Variants in TSNAXIP1 observed in about 807,000 individuals in gnomAD.
TSNAXIP1 encodes translin-associated factor X-interacting protein 1.
In TSNAXIP1, 89 loss-of-function variants were observed where a neutral mutation model predicts 84.8. The observed-to-expected ratio is 1.05, with a 90% CI of 0.88 to 1.25. TSNAXIP1 has a LOEUF of 1.25. Ranked by LOEUF, TSNAXIP1 falls within the 50% of genes most tolerant of loss-of-function variation. The pLI is 0.00. For synonymous variants in TSNAXIP1, 347 were observed against 335.2 expected (o/e 1.04, Z -0.39); for missense variants, 874 against 887.6 (o/e 0.98, Z 0.20).
In TSNAXIP1 at chr16:67,819,815, A is replaced by ATTTTTTTTTTTTTTTTTT. The variant is rs1162375778; in HGVS notation, c.148-1019_148-1002dup. On this transcript the variant is annotated intron_variant, in intron 2 of 15. Coordinates refer to ENST00000561639, the MANE Select transcript of TSNAXIP1 (RefSeq NM_001288990.3). ...AGCACATGCCACCACACCTGGCTAA[A>ATTTTTTTTTTTTTTTTTT]TTTTTTTTTTTTTTTTTTTTTTGAG... is the stretch of plus-strand genomic sequence containing the variant. Among the ~76,000 whole-genome samples, 12 of 102,632 alleles carry ATTTTTTTTTTTTTTTTTT rather than the reference A, an allele frequency of 1.2e-4. 2 individuals are homozygous for ATTTTTTTTTTTTTTTTTT. Among genetic ancestry groups the ATTTTTTTTTTTTTTTTTT allele is most frequent in the African/African-American group, 3.8e-4 (9 of 23,824 alleles). 67.3% of individuals were successfully genotyped at this position (102,632 alleles called of 152,430 possible). A position where few individuals can be genotyped will look rare whatever the true frequency, so the allele number is the denominator to read the frequency against.
intron 5 of TSNAXIP1, 118 bp from the exon 6 acceptor site, chr16:67,824,465 C>A: frequency 1.1e-6 from 1 of 930,232 alleles, no homozygotes; most frequent in Non-Finnish European, 1.6e-6. Context: ...TTGAACAAGG[C>A]ATGCAGAGAT....
At chr16:67,825,591 A>G in intron 7 of TSNAXIP1, 76 bp from the exon 8 acceptor site, 2 of 1,529,672 alleles carry the variant, frequency 1.3e-6, no homozygotes, top group Admixed American at 2.1e-5. Flanking sequence ...AACCCCAAAC[A>G]GGAAGGGCAG....
At chr16:67,820,803 T>C (rs2056979915) in intron 2 of TSNAXIP1, 36 bp from the exon 3 acceptor site, 2 of 1,429,282 alleles carry the variant, frequency 1.4e-6, no homozygotes, top group Non-Finnish European at 1.9e-6. Context: ...AGGGGAGCAA[T>C]GTTGCCATGG....
At position 67,826,241 on chromosome 16, in the gene TSNAXIP1, G is replaced by A; in HGVS notation, c.1234G>A (p.Gly412Ser). The change falls in exon 10 of 16, where the codon GGT (glycine) becomes AGT (serine). Residue 412 changes from glycine (G) to serine (S), a missense_variant. By Grantham distance (56) the Gly-to-Ser change is moderately conservative. Transcript: ENST00000561639. ...GGTGGACGTGCTCCTGGAAGAGATT[G>A]GTTCGGGGCTGCTGCGGGAGAAAGA... Reference protein sequence around the residue: ...QLVDVLLEEIGSGLLREKDFF... With the variant: ...QLVDVLLEEISSGLLREKDFF... 6.3e-7 allele frequency: 1 copy of A among 1,592,430 alleles called. No individual in the cohort carries two copies. The highest frequency in any genetic ancestry group is 8.6e-7 in the Non-Finnish European group (1 of 1,167,760).
Position 67,821,125 on chromosome 16 carries a change from C to G in TSNAXIP1, c.287C>G (p.Thr96Ser). ...VGSCQQHPFR[T>S]AKPQYLEELE... The stretch of plus-strand genomic sequence containing the variant: ...AGCTGCCAGCAGCACCCCTTTCGCA[C>G]TGCCAAGCCCCAGTACTTGGAGGAA... The change falls in exon 4 of 16, where the codon ACT becomes AGT. Residue 96 changes from threonine (T) to serine (S), a missense_variant. Physicochemically the swap from Thr to Ser is moderately conservative, Grantham distance 58. Coordinates refer to ENST00000561639, the MANE Select transcript of TSNAXIP1 (RefSeq NM_001288990.3). 1 of 1,613,112 alleles carries G rather than the reference C, an allele frequency of 6.2e-7. No individual in the cohort carries two copies. The highest frequency in any genetic ancestry group is 8.5e-7 in the Non-Finnish European group (1 of 1,179,628).
At chr16:67,816,492 G>A (rs2056562124) in intron 2 of TSNAXIP1, among the ~76,000 whole-genome samples, 1 of 152,094 alleles carries the variant, frequency 6.6e-6, no homozygotes, top group African/African-American at 2.4e-5. Context: ...CACTTTGTGG[G>A]GCTGGGGACT....
chr16:67,812,471 T>A (rs538067555), intron 1 of TSNAXIP1, among the ~76,000 whole-genome samples: 8 of 147,796 alleles, frequency 5.4e-5, no homozygotes, highest in Admixed American at 1.4e-4. Flanking sequence ...ATCGAGACCA[T>A]CCTGGCCAAC....
Position 67,818,750 on chromosome 16 carries a change from C to T in TSNAXIP1, c.148-2089C>T, listed in dbSNP as rs995252995. Reference sequence around the variant, plus strand: ...ACAGAGTCTCTCTCTGTCGCCCAGACTGGAGTACAGTCGTGCCATGTCTGC... The same window carrying T: ...ACAGAGTCTCTCTCTGTCGCCCAGATTGGAGTACAGTCGTGCCATGTCTGC... On this transcript the variant is annotated intron_variant, in intron 2 of 15. Transcript: ENST00000561639. 3.3e-5 allele frequency among the ~76,000 whole-genome samples: 5 copies of T among 149,804 alleles called. No homozygotes were observed. The South Asian group carries it at 8.5e-4, about 25-fold the overall frequency.
At chr16:67,826,918 A>C in intron 12 of TSNAXIP1, 45 bp from the exon 13 acceptor site, 1 of 1,612,962 alleles carries the variant, frequency 6.2e-7, no homozygotes, top group Non-Finnish European at 8.5e-7. Context: ...CTTTGCCCCC[A>C]CCACTCCCAG....
intron 1 of TSNAXIP1, chr16:67,807,538 C>A: frequency 1.7e-6 from 1 of 597,908 alleles, no homozygotes; most frequent in Non-Finnish European, 2.5e-6. Context: ...TACTACGGCT[C>A]ACTGCAGCCT....
At chr16:67,816,214 G>A (rs577453266) in intron 2 of TSNAXIP1, among the ~76,000 whole-genome samples, 3 of 151,482 alleles carry the variant, frequency 2.0e-5, no homozygotes, top group South Asian at 2.1e-4. Context: ...TGATCCGCCC[G>A]CCTCGGCCTC....
chr16:67,820,247 G>A (rs376415116), intron 2 of TSNAXIP1, among the ~76,000 whole-genome samples: 1 of 151,872 alleles, frequency 6.6e-6, no homozygotes, highest in African/African-American at 2.4e-5. Flanking sequence ...GTGAGCCACC[G>A]CGCCCGACTA....
intron 15 of TSNAXIP1, 47 bp downstream of exon 15, chr16:67,827,626 A>C: frequency 6.2e-7 from 1 of 1,612,500 alleles, no homozygotes; most frequent in Non-Finnish European, 8.5e-7. Context: ...TGGGCCCCTG[A>C]AGCCCCTGGG....
chr16:67,817,624 G>A, intron 2 of TSNAXIP1, among the ~76,000 whole-genome samples: 1 of 145,444 alleles, frequency 6.9e-6, no homozygotes, highest in East Asian at 2.4e-4. Flanking sequence ...GGGCGCGGTG[G>A]CTCACGCCTG....
At chr16:67,817,290 C>T (rs2056647054) in intron 2 of TSNAXIP1, among the ~76,000 whole-genome samples, 1 of 151,508 alleles carries the variant, frequency 6.6e-6, no homozygotes, top group Non-Finnish European at 1.5e-5. Flanking sequence ...GCTGGGACTA[C>T]AGGCGCCCGC....
chr16:67,826,083 G>A lies in TSNAXIP1; in HGVS notation c.1144+7G>A, dbSNP rs770651322. The A allele has an allele frequency of 9.3e-6, 15 of 1,613,176 alleles. No individual in the cohort carries two copies. The South Asian group carries it at 1.3e-4, about 14-fold the overall frequency. On this transcript the variant is annotated splice_region_variant and intron_variant, in intron 9 of 15. Transcript: ENST00000561639. ...GACTGGACCAAGTGCAAAGGTGAGG[G>A]CAGCCGGCAGGGCCCCAGGTCCTGC...
chr16:67,813,269 C>T (rs1489304645), intron 1 of TSNAXIP1, among the ~76,000 whole-genome samples: 3 of 151,502 alleles, frequency 2.0e-5, no homozygotes, highest in Non-Finnish European at 1.5e-5. Flanking sequence ...GGCCTGTAGT[C>T]CCAGCTACTC....
rs2055493518 is a variant in TSNAXIP1, at chr16:67,807,005, G to C, written c.-145G>C. On this transcript the variant is annotated 5_prime_UTR_variant, in exon 1 of 16. Transcript: ENST00000561639. Reference sequence around the variant, plus strand: ...CTACTTTGTCCTACTCCCAGCCCGCGGGCGCTAGGCTCGGGGGCGTGGCGC... The same window carrying C: ...CTACTTTGTCCTACTCCCAGCCCGCCGGCGCTAGGCTCGGGGGCGTGGCGC... 1.1e-5 allele frequency: 15 copies of C among 1,333,690 alleles called. No homozygotes were observed. Among genetic ancestry groups the C allele is most frequent in the Non-Finnish European group, 1.3e-5 (13 of 1,004,654 alleles). 82.6% of individuals were successfully genotyped at this position (1,333,690 alleles called of 1,614,324 possible).
chr16:67,826,314 CAG>C, intron 10 of TSNAXIP1, 32 bp downstream of exon 10: 1 of 1,582,566 alleles, frequency 6.3e-7, no homozygotes, highest in Non-Finnish European at 8.6e-7. Flanking sequence ...GGGCTTGGGC[CAG>C]AGTCAGAACA....
Sources: allele counts gnomAD v4.1 joint callset (sites outside exome capture counted in the v4.1 genomes callset), GRCh38; gene constraint gnomAD v4.1.1; transcripts MANE v1.5; gene names NCBI Gene and HGNC (gene_info 2026-07-23, HGNC 2026-07-21).